ABLIM2: variants seen among roughly 807,000 people sequenced by gnomAD.
ABLIM2 encodes actin binding LIM protein family member 2.
Under a neutral mutation model 97.7 loss-of-function variants are expected in ABLIM2, and 53 were observed. That is an observed-to-expected ratio of 0.54 (90% CI 0.44 to 0.68). ABLIM2 has a LOEUF of 0.68. Ranked by LOEUF, ABLIM2 falls within the 30% of genes least tolerant of loss-of-function variation. The pLI, the probability that ABLIM2 is intolerant of heterozygous loss-of-function variation, is 0.00. For synonymous variants in ABLIM2, 361 were observed against 345.8 expected, an observed-to-expected ratio of 1.04 and a Z score of -0.49; for missense variants, 835 against 867.2, an observed-to-expected ratio of 0.96 and a Z score of 0.47.
At chr4:8,070,010 TTG>T (rs556046384) in intron 6 of ABLIM2, among the ~76,000 whole-genome samples, 2 of 152,062 alleles carry the variant, frequency 1.3e-5, no homozygotes, top group Admixed American at 6.6e-5. Flanking sequence ...GTGTGTCCTT[TTG>T]TGTGTTTGTG....
In ABLIM2 at chr4:8,043,795, G is replaced by C. The variant is rs1390331504; in HGVS notation, c.900+1369C>G. Among the ~76,000 whole-genome samples the C allele has an allele frequency of 6.6e-6, 1 of 152,194 alleles. No individual in the cohort carries two copies. Among genetic ancestry groups the C allele is most frequent in the African/African-American group, 2.4e-5 (1 of 41,444 alleles). On this transcript the variant is annotated intron_variant, in intron 9 of 20. Transcript: ENST00000447017. This position sits in a 1 kb window ranked among gnomAD's most constrained non-coding sequence, Gnocchi z 4.8. ...CAAGCGTTTCCCACAGCCTTCTTCT[G>C]GGCAGGCGCTGTGCTCACTGCCACC...
At chr4:7,989,693 C>T (rs1227634236) in intron 17 of ABLIM2, among the ~76,000 whole-genome samples, 1 of 152,162 alleles carries the variant, frequency 6.6e-6, no homozygotes, top group East Asian at 1.9e-4. Flanking sequence ...CTTATGATAA[C>T]ACATCTGATT....
rs1177100614 is a variant in ABLIM2 at position 8,077,694 on chromosome 4, G to C, written c.609C>G (p.Asp203Glu). The change falls in exon 6 of 21, where the codon GAC becomes GAG. Residue 203 changes from aspartate to glutamate, a missense_variant. Coordinates refer to ENST00000447017, the MANE Select transcript of ABLIM2 (RefSeq NM_001130083.2). ...AGCGGATGCCGAACTTGGCGTGATA[G>C]TCAGCTTCGCAGTAGGGCAGCCCAT... is the stretch of plus-strand genomic sequence containing the variant. ...SKDGLPYCEA[D>E]YHAKFGIRCD... The C allele has an allele frequency of 1.2e-6, 2 of 1,612,980 alleles. No individual in the cohort carries two copies. Among genetic ancestry groups the C allele is most frequent in the South Asian group, 1.1e-5 (1 of 90,734 alleles).
At position 8,067,524 on chromosome 4, in the gene ABLIM2, C is replaced by T. The variant is rs1413435291; in HGVS notation, c.676-6470G>A. Reference sequence around the variant, plus strand: ...CCGCGTGGCCAGGGGCAGCCGGCACCCTCACTCACAGTTCGGGCCACTCAT... The same window carrying T: ...CCGCGTGGCCAGGGGCAGCCGGCACTCTCACTCACAGTTCGGGCCACTCAT... On this transcript the variant is annotated intron_variant, in intron 6 of 20. Coordinates refer to ENST00000447017, the MANE Select transcript of ABLIM2 (RefSeq NM_001130083.2). This position sits in a 1 kb window ranked among gnomAD's most constrained non-coding sequence, Gnocchi z 5.4. 3.3e-5 allele frequency: 5 copies of T among 152,294 alleles called. No individual in the cohort carries two copies. The highest frequency in any genetic ancestry group is 1.2e-4 in the African/African-American group (5 of 41,460). The allele number at this position is 152,294 out of a possible 1,614,324, so 9.4% of individuals were successfully genotyped here.
intron 1 of ABLIM2, among the ~76,000 whole-genome samples, chr4:8,139,324 T>C (rs1044143824): frequency 6.6e-5 from 10 of 151,706 alleles, no homozygotes; most frequent in African/African-American, 2.2e-4. Flanking sequence ...AGACAACCTA[T>C]GAAATGGGAG....
chr4:8,098,680 G>A (rs1279049341), intron 2 of ABLIM2, among the ~76,000 whole-genome samples: 1 of 152,194 alleles, frequency 6.6e-6, no homozygotes, highest in Non-Finnish European at 1.5e-5. Flanking sequence ...CCCGCGTAGT[G>A]TGCTGTGTGT....
rs2151344509 is a variant in ABLIM2 at position 8,033,831 on chromosome 4, G to A, written c.1047+2318C>T. Among the ~76,000 whole-genome samples, 1 of 152,376 alleles carries A rather than the reference G, an allele frequency of 6.6e-6. No homozygotes were observed. The highest frequency in any genetic ancestry group is 1.9e-4 in the East Asian group (1 of 5,186). On this transcript the variant is annotated intron_variant, in intron 10 of 20. Coordinates refer to ENST00000447017, the MANE Select transcript of ABLIM2 (RefSeq NM_001130083.2). The surrounding 1 kb of genome is among the most constrained non-coding windows in gnomAD (Gnocchi z 4.5). ...GGCCCGTGTCCACTTGGGCCTGGAA[G>A]CTGTGTCCTGGTCATACCATGAGAC...
intron 1 of ABLIM2, among the ~76,000 whole-genome samples, chr4:8,116,625 A>T (rs1578184560): frequency 6.6e-6 from 1 of 152,344 alleles, no homozygotes; most frequent in East Asian, 1.9e-4. Flanking sequence ...AGGGATTTTT[A>T]AAAAATGAAG....
intron 9 of ABLIM2, among the ~76,000 whole-genome samples, chr4:8,037,567 A>G (rs1231619376): frequency 2.6e-5 from 4 of 151,960 alleles, no homozygotes; most frequent in South Asian, 4.2e-4. Context: ...ACACCCCCAC[A>G]CACTGGCACA....
At chr4:8,135,022 C>T (rs1275572245) in intron 1 of ABLIM2, among the ~76,000 whole-genome samples, 1 of 152,190 alleles carries the variant, frequency 6.6e-6, no homozygotes, top group Non-Finnish European at 1.5e-5. Context: ...CCGAGGCAGG[C>T]CCTTGTCCAA....
intron 10 of ABLIM2, among the ~76,000 whole-genome samples, chr4:8,031,368 A>G (rs951408359): frequency 6.6e-6 from 1 of 152,216 alleles, no homozygotes; most frequent in Non-Finnish European, 1.5e-5. Flanking sequence ...GGAAGCTGAC[A>G]TCCCTCCCTC....
chr4:7,967,159 C>A, intron 20 of ABLIM2, 56 bp from the exon 21 acceptor site: 1 of 1,465,026 alleles, frequency 6.8e-7, no homozygotes, highest in Non-Finnish European at 9.5e-7. Flanking sequence ...CAAGGGACAC[C>A]ATTGGGCAGT....
At chr4:8,055,759 T>C (rs1180776622) in intron 7 of ABLIM2, among the ~76,000 whole-genome samples, 1 of 152,142 alleles carries the variant, frequency 6.6e-6, no homozygotes, top group African/African-American at 2.4e-5. Context: ...TTGGACTACA[T>C]GTGTGTGTGA....
rs1200350463 is a variant in ABLIM2, at chr4:8,085,156, C to T, written c.454+3013G>A. On this transcript the variant is annotated intron_variant, in intron 4 of 20. Coordinates refer to ENST00000447017, the MANE Select transcript of ABLIM2 (RefSeq NM_001130083.2). This position sits in a 1 kb window ranked among gnomAD's most constrained non-coding sequence, Gnocchi z 6.1. ...TGGGGCAGCAGAGGGAAGCTCAGGG[C>T]CACGGGACTCAAGCTTGAGCTCTGC... 1.3e-5 allele frequency among the ~76,000 whole-genome samples: 2 copies of T among 152,086 alleles called. No individual in the cohort carries two copies. Among genetic ancestry groups the T allele is most frequent in the East Asian group, 1.9e-4 (1 of 5,152 alleles).
chr4:8,024,996 C>T (rs1320340590), intron 12 of ABLIM2, among the ~76,000 whole-genome samples: 1 of 152,164 alleles, frequency 6.6e-6, no homozygotes, highest in Non-Finnish European at 1.5e-5. Flanking sequence ...GTGGCTCAGT[C>T]TCAGCTCACT....
rs6829649 is a variant in ABLIM2, at chr4:8,069,066, T to G, written c.676-8012A>C. 0.15 allele frequency among the ~76,000 whole-genome samples: 23,304 copies of G among 152,176 alleles called. 1,975 individuals are homozygous for G. The highest frequency in any genetic ancestry group is 0.22 in the Middle Eastern group (64 of 294). Reference sequence around the variant, plus strand: ...GGCCCTCCCCAGACCTTCCACACCCTCTGGAACACAGCTCCTCTTGGCCCC... The same window carrying G: ...GGCCCTCCCCAGACCTTCCACACCCGCTGGAACACAGCTCCTCTTGGCCCC... On this transcript the variant is annotated intron_variant, in intron 6 of 20. Coordinates refer to ENST00000447017, the MANE Select transcript of ABLIM2 (RefSeq NM_001130083.2). This position sits in a 1 kb window ranked among gnomAD's most constrained non-coding sequence, Gnocchi z 4.2.
intron 5 of ABLIM2, among the ~76,000 whole-genome samples, chr4:8,079,408 G>T (rs1301919682): frequency 6.6e-6 from 1 of 152,204 alleles, no homozygotes; most frequent in African/African-American, 2.4e-5. Flanking sequence ...CCTGCACGGG[G>T]CTGGGCATTT....
intron 16 of ABLIM2, among the ~76,000 whole-genome samples, chr4:7,997,064 T>A (rs1193554140): frequency 6.6e-6 from 1 of 152,152 alleles, no homozygotes; most frequent in Non-Finnish European, 1.5e-5. Context: ...TCAGACATTA[T>A]TTTTTACATA....
chr4:8,106,757 C>T (rs1054675777), intron 1 of ABLIM2, 120 bp from the exon 2 acceptor site: 76 of 1,243,878 alleles, frequency 6.1e-5, no homozygotes, highest in Non-Finnish European at 6.5e-5. Context: ...CCCACCAGCA[C>T]GAGCCGCACG....
Sources: allele counts gnomAD v4.1 joint callset (sites outside exome capture counted in the v4.1 genomes callset), GRCh38; gene constraint gnomAD v4.1.1; non-coding constraint Gnocchi (gnomAD v3.1); transcripts MANE v1.5; gene names NCBI Gene and HGNC (gene_info 2026-07-23, HGNC 2026-07-21).